The following FAM149B1 variants were observed in gnomAD, a reference collection of about 807,000 sequenced individuals.
FAM149B1 encodes primary cilium assembly protein FAM149B1.
A neutral mutation model predicts 75.3 loss-of-function variants in FAM149B1; 56 were observed. The ratio of observed to expected loss-of-function variants is 0.74; its 90% CI spans 0.60 to 0.93. FAM149B1 has a LOEUF of 0.93. FAM149B1 is among the 40% of genes least tolerant of loss of function. FAM149B1 has a pLI of 0.00. For missense variants in FAM149B1, 639 were observed against 708.4 expected, an observed-to-expected ratio of 0.90 and a Z score of 1.11; for synonymous variants, 259 against 256.1, an observed-to-expected ratio of 1.01 and a Z score of -0.11.
In FAM149B1 at chr10:73,206,160, C is replaced by T. The variant is rs149422197; in HGVS notation, c.543-2459C>T. 2.6e-3 allele frequency among the ~76,000 whole-genome samples: 396 copies of T among 152,352 alleles called. 1 individual carries two copies. Among genetic ancestry groups the T allele is most frequent in the African/African-American group, 9.0e-3 (375 of 41,590 alleles). On this transcript the variant is annotated intron_variant, in intron 5 of 13. Transcript: ENST00000242505. ...GGAAGAAAGGGCATGTGTGTTATGCCTTAGCAAGGAACTTGGCTGTATTAT... is the reference window on the plus strand; with the variant it reads ...GGAAGAAAGGGCATGTGTGTTATGCTTTAGCAAGGAACTTGGCTGTATTAT...
At chr10:73,206,307 G>A (rs901479896) in intron 5 of FAM149B1, among the ~76,000 whole-genome samples, 1 of 152,188 alleles carries the variant, frequency 6.6e-6, no homozygotes, top group African/African-American at 2.4e-5. Flanking sequence ...TAACACCTAT[G>A]CTCAGATGTG....
At chr10:73,205,638 C>T (rs917636903) in intron 5 of FAM149B1, among the ~76,000 whole-genome samples, 6 of 152,138 alleles carry the variant, frequency 3.9e-5, no homozygotes, top group African/African-American at 1.4e-4. Flanking sequence ...ACCACAACCT[C>T]CGCCTCCCGG....
intron 8 of FAM149B1, chr10:73,230,167 G>A (rs2043651886): frequency 2.8e-6 from 1 of 356,680 alleles, no homozygotes; most frequent in Non-Finnish European, 5.3e-6. Context: ...TAAGAGGGCT[G>A]TTAATTGTTT....
intron 3 of FAM149B1, among the ~76,000 whole-genome samples, chr10:73,188,774 GAA>G (rs2042601891): frequency 1.6e-5 from 2 of 121,254 alleles, no homozygotes; most frequent in Middle Eastern, 3.5e-3. Context: ...AGGAAGGAAG[GAA>G]GGAAGGAAGG....
At chr10:73,175,398 G>A (rs1247766894) in intron 2 of FAM149B1, among the ~76,000 whole-genome samples, 2 of 151,850 alleles carry the variant, frequency 1.3e-5, no homozygotes, top group Non-Finnish European at 2.9e-5. Flanking sequence ...GGCCGGGCGC[G>A]GTGGCTCACG....
At chr10:73,203,812 G>A (rs1056726354) in intron 5 of FAM149B1, among the ~76,000 whole-genome samples, 5 of 151,958 alleles carry the variant, frequency 3.3e-5, no homozygotes, top group Non-Finnish European at 5.9e-5. Flanking sequence ...GCTAATTTTT[G>A]TACTTTTTTG....
At chr10:73,191,891 A>T (rs1418574147) in intron 3 of FAM149B1, among the ~76,000 whole-genome samples, 1 of 152,064 alleles carries the variant, frequency 6.6e-6, no homozygotes, top group Non-Finnish European at 1.5e-5. Context: ...TGTTACTTTT[A>T]AAAATATAGA....
chr10:73,237,493 TG>T (rs1196703908), intron 12 of FAM149B1, among the ~76,000 whole-genome samples: 1 of 152,012 alleles, frequency 6.6e-6, no homozygotes, highest in East Asian at 1.9e-4. Flanking sequence ...CTCAGCTCAC[TG>T]CAGCCTCCAC....
chr10:73,240,568 C>T (rs1430858463), intron 13 of FAM149B1, among the ~76,000 whole-genome samples: 2 of 151,856 alleles, frequency 1.3e-5, no homozygotes, highest in Non-Finnish European at 2.9e-5. Context: ...AAAAATTAGC[C>T]GGGTGTGGTG....
Position 73,210,293 on chromosome 10 carries a change from G to A in FAM149B1, c.753G>A (p.Glu251=). The part of the protein sequence containing the change: ...FHGKKSEAAT[E]KQKLGYPPIA... ...GGAAGAAATCAGAAGCAGCTACAGA[G>A]AAACAGAAATTAGGGTATCCTCCCA... The change falls in exon 7 of 14, where the codon GAG becomes GAA. Residue 251 remains glutamate (E), a synonymous_variant. Coordinates refer to ENST00000242505, the MANE Select transcript of FAM149B1 (RefSeq NM_173348.2). 1 of 1,551,534 alleles carries A rather than the reference G, an allele frequency of 6.4e-7. No homozygotes were observed. The highest frequency in any genetic ancestry group is 8.7e-7 in the Non-Finnish European group (1 of 1,146,668).
At chr10:73,227,232 C>T (rs188140458) in intron 7 of FAM149B1, among the ~76,000 whole-genome samples, 8 of 152,198 alleles carry the variant, frequency 5.3e-5, no homozygotes, top group Middle Eastern at 3.4e-3. Context: ...GGACCAAGGG[C>T]ACGTGCCACC....
In FAM149B1 at chr10:73,174,599, G is replaced by A; in HGVS notation, c.48-88G>A. ...TCAGACAGTGCAGTTCCAGAGCAGA[G>A]GAAGTAGGTGACTAACTTCTAGATT... On this transcript the variant is annotated intron_variant, in intron 1 of 13. Transcript: ENST00000242505. 4 of 919,798 alleles carry A rather than the reference G, an allele frequency of 4.3e-6. No individual in the cohort carries two copies. The South Asian group carries it at 6.2e-5, about 14-fold the overall frequency. The allele number at this position is 919,798 out of a possible 1,614,324, so 57.0% of individuals were successfully genotyped here. A position where few individuals can be genotyped will look rare whatever the true frequency, so the allele number is the denominator to read the frequency against.
At position 73,243,690 on chromosome 10, in the gene FAM149B1, C is replaced by T. The variant is rs1329525073; in HGVS notation, c.*2671C>T. 1.8e-6 allele frequency: 2 copies of T among 1,087,230 alleles called. No homozygotes were observed. Among genetic ancestry groups the T allele is most frequent in the African/African-American group, 1.6e-5 (1 of 62,736 alleles). The allele number at this position is 1,087,230 out of a possible 1,614,324, so 67.3% of individuals were successfully genotyped here. ...TAATAATTGTAAAACTTTGTAAATA[C>T]ACTTAAAACCACCAAATTGTACACT... On this transcript the variant is annotated 3_prime_UTR_variant, in exon 14 of 14. Coordinates refer to ENST00000242505, the MANE Select transcript of FAM149B1 (RefSeq NM_173348.2).
intron 3 of FAM149B1, among the ~76,000 whole-genome samples, chr10:73,184,708 AGAAAATATTTTGAACT>A (rs2042479698): frequency 6.6e-6 from 1 of 152,258 alleles, no homozygotes; most frequent in Admixed American, 6.5e-5. Context: ...AAGGGAAAGT[AGAAAATATTTTGAACT>A]GAAAGAAAAG....
rs181677688 is a variant in FAM149B1, at chr10:73,205,386, A to C, written c.543-3233A>C. ...TCTGCTCTGGTCGTGTGATATGCCT[A>C]CTCCTCCTTCACTTTTTACCATAAG... On this transcript the variant is annotated intron_variant, in intron 5 of 13. Coordinates refer to ENST00000242505, the MANE Select transcript of FAM149B1 (RefSeq NM_173348.2). 2.1e-4 allele frequency among the ~76,000 whole-genome samples: 31 copies of C among 150,726 alleles called. 1 individual carries two copies. Among genetic ancestry groups the C allele is most frequent in the African/African-American group, 7.1e-4 (29 of 40,992 alleles).
chr10:73,223,421 A>G (rs920363163), intron 7 of FAM149B1, among the ~76,000 whole-genome samples: 6 of 152,188 alleles, frequency 3.9e-5, no homozygotes, highest in African/African-American at 1.4e-4. Context: ...GTTCCATTGT[A>G]TGACTATATC....
At chr10:73,215,596 G>A (rs2043281568) in intron 7 of FAM149B1, among the ~76,000 whole-genome samples, 1 of 151,928 alleles carries the variant, frequency 6.6e-6, no homozygotes, top group South Asian at 2.1e-4. Flanking sequence ...GTATCCTACA[G>A]GTTTTAATAG....
chr10:73,196,510 C>A (rs565388845), intron 5 of FAM149B1, among the ~76,000 whole-genome samples: 1 of 152,140 alleles, frequency 6.6e-6, no homozygotes. Flanking sequence ...GTCATTAATT[C>A]ATTTTGATCT....
chr10:73,235,680 G>A (rs2043804690), intron 12 of FAM149B1, among the ~76,000 whole-genome samples: 1 of 152,168 alleles, frequency 6.6e-6, no homozygotes, highest in Non-Finnish European at 1.5e-5. Context: ...GAGTCCTGGT[G>A]GATGAGTGAG....
Sources: allele counts gnomAD v4.1 joint callset (sites outside exome capture counted in the v4.1 genomes callset), GRCh38; gene constraint gnomAD v4.1.1; transcripts MANE v1.5; gene names NCBI Gene and HGNC (gene_info 2026-07-23, HGNC 2026-07-21).